The following GBE1 variants were observed in gnomAD, a reference collection of about 807,000 sequenced individuals.
The protein encoded by GBE1 is 1,4-alpha-glucan-branching enzyme.
GBE1 carries 70 observed loss-of-function variants against 88.8 expected under a neutral mutation model. That is an observed-to-expected ratio of 0.79 (90% CI 0.65 to 0.96). The LOEUF is 0.96. Among genes scored for constraint, GBE1 ranks in the 40% least tolerant of loss-of-function variants. GBE1 has a pLI of 0.00. For missense variants in GBE1, 872 were observed against 871.0 expected, an observed-to-expected ratio of 1.00 and a Z score of -0.01; for synonymous variants, 284 against 300.1, an observed-to-expected ratio of 0.95 and a Z score of 0.56.
At chr3:81,676,472 TTAAAA>T (rs1400892470) in intron 2 of GBE1, among the ~76,000 whole-genome samples, 2 of 152,082 alleles carry the variant, frequency 1.3e-5, no homozygotes, top group Admixed American at 6.6e-5. Context: ...TAATTATAAA[TTAAAA>T]TAAAATATTT....
intron 14 of GBE1, among the ~76,000 whole-genome samples, chr3:81,527,452 A>G (rs1702957576): frequency 1.3e-5 from 2 of 152,178 alleles, no homozygotes; most frequent in African/African-American, 4.8e-5. Context: ...AATGGGAGAA[A>G]ATTTTTGCAA....
intron 14 of GBE1, among the ~76,000 whole-genome samples, chr3:81,503,741 C>T (rs1244684235): frequency 6.6e-6 from 1 of 152,062 alleles, no homozygotes; most frequent in African/African-American, 2.4e-5. Context: ...TTACTTTACT[C>T]TCTATATGCG....
chr3:81,727,397 C>G lies in GBE1; in HGVS notation c.144-21784G>C, dbSNP rs150166930. Among the ~76,000 whole-genome samples, 131 of 152,218 alleles carry G rather than the reference C, an allele frequency of 8.6e-4. 2 individuals carry two copies. In the East Asian group the frequency reaches 0.024, roughly 28 times the overall value. ...TCTAATCCTACAGATGAGAATTTGA[C>G]CAAGGCATTCCTAGAACAGCTACTT... On this transcript the variant is annotated intron_variant, in intron 1 of 15. Coordinates refer to ENST00000429644, the MANE Select transcript of GBE1 (RefSeq NM_000158.4).
At chr3:81,751,560 G>A (rs3772885) in intron 1 of GBE1, among the ~76,000 whole-genome samples, 1 of 152,164 alleles carries the variant, frequency 6.6e-6, no homozygotes, top group East Asian at 1.9e-4. Flanking sequence ...ACGTGTTCCA[G>A]CTAGAAACAT....
In GBE1 at chr3:81,648,319, C is replaced by T. The variant is rs572072441; in HGVS notation, c.691+537G>A. ...ATAATTCAGCAATATATTCTTTACT[C>T]TCCTGTTTGTTATGAAGACAGGATC... On this transcript the variant is annotated intron_variant, in intron 5 of 15. Coordinates refer to ENST00000429644, the MANE Select transcript of GBE1 (RefSeq NM_000158.4). Among the ~76,000 whole-genome samples the T allele has an allele frequency of 9.2e-5, 14 of 152,206 alleles. 1 individual carries two copies. In the South Asian group the frequency reaches 2.7e-3, roughly 29 times the overall value.
chr3:81,549,372 A>G (rs1444229607), intron 12 of GBE1, among the ~76,000 whole-genome samples: 1 of 151,560 alleles, frequency 6.6e-6, no homozygotes, highest in Non-Finnish European at 1.5e-5. Flanking sequence ...CATAAGTGCA[A>G]TAAGAATCTG....
intron 11 of GBE1, among the ~76,000 whole-genome samples, chr3:81,579,384 A>G (rs1001089917): frequency 3.9e-5 from 6 of 152,156 alleles, no homozygotes; most frequent in African/African-American, 1.4e-4. Context: ...ATTCCTGAAT[A>G]TATAAGATAG....
At chr3:81,738,891 A>T (rs1212079843) in intron 1 of GBE1, among the ~76,000 whole-genome samples, 1 of 152,140 alleles carries the variant, frequency 6.6e-6, no homozygotes, top group Non-Finnish European at 1.5e-5. Context: ...AATACCTTAG[A>T]CTGGGTAGTT....
intron 1 of GBE1, among the ~76,000 whole-genome samples, chr3:81,748,181 C>T (rs1706444823): frequency 6.6e-6 from 1 of 152,112 alleles, no homozygotes; most frequent in African/African-American, 2.4e-5. Flanking sequence ...GGGCAAAAGA[C>T]ATGAATAAAC....
chr3:81,722,894 G>GTATATATATATATATATATATA (rs757742488), intron 1 of GBE1, among the ~76,000 whole-genome samples: 2 of 135,038 alleles, frequency 1.5e-5, no homozygotes, highest in Non-Finnish European at 3.1e-5. Context: ...GTGTGTGTGT[G>GTATATATATATATATATATATA]TGTATATATA....
chr3:81,649,019 T>C lies in GBE1; in HGVS notation c.556-28A>G, dbSNP rs781001034. Reference sequence around the variant, plus strand: ...ACAGAATATAAAATTATGTATAGAGTTAAGCCAGGAATTCTGGTATGACAC... The same window carrying C: ...ACAGAATATAAAATTATGTATAGAGCTAAGCCAGGAATTCTGGTATGACAC... On this transcript the variant is annotated intron_variant, in intron 4 of 15. Coordinates refer to ENST00000429644, the MANE Select transcript of GBE1 (RefSeq NM_000158.4). 2.7e-6 allele frequency: 4 copies of C among 1,489,294 alleles called. No homozygotes were observed. The African/African-American group carries it at 5.7e-5, about 21-fold the overall frequency. The allele number at this position is 1,489,294 out of a possible 1,614,324, so 92.3% of individuals were successfully genotyped here. A position where few individuals can be genotyped will look rare whatever the true frequency, so the allele number is the denominator to read the frequency against.
chr3:81,581,633 T>C (rs1703732911), intron 10 of GBE1, among the ~76,000 whole-genome samples: 1 of 152,092 alleles, frequency 6.6e-6, no homozygotes, highest in Non-Finnish European at 1.5e-5. Context: ...CTATAACTTG[T>C]ACATGGTAGA....
chr3:81,693,425 A>G (rs1225230792), intron 2 of GBE1, among the ~76,000 whole-genome samples: 2 of 152,120 alleles, frequency 1.3e-5, no homozygotes, highest in African/African-American at 2.4e-5. Context: ...AAATCACATA[A>G]TGGCCACAAC....
intron 1 of GBE1, among the ~76,000 whole-genome samples, chr3:81,757,593 C>T (rs891678076): frequency 6.6e-6 from 1 of 152,148 alleles, no homozygotes; most frequent in African/African-American, 2.4e-5. Flanking sequence ...ATTGACTAGA[C>T]TCAAAGGTCT....
rs1256452118 is a variant in GBE1 at position 81,608,058 on chromosome 3, CCAAA to C, written c.993-14039_993-14036del. Among the ~76,000 whole-genome samples the C allele has an allele frequency of 3.9e-5, 6 of 152,264 alleles. No homozygotes were observed. The East Asian group carries it at 9.6e-4, about 24-fold the overall frequency. On this transcript the variant is annotated intron_variant, in intron 7 of 15. Coordinates refer to ENST00000429644, the MANE Select transcript of GBE1 (RefSeq NM_000158.4). ...GTCCTTAGGACTAAATCCACTTTTA[CCAAA>C]ATTCATGTTGTTGAAAGTCACTAAA...
chr3:81,737,367 T>A (rs3930767), intron 1 of GBE1, among the ~76,000 whole-genome samples: 40 of 30,176 alleles, frequency 1.3e-3, no homozygotes, highest in Non-Finnish European at 2.0e-3. Flanking sequence ...ATTTATATAT[T>A]TATATATATT....
At chr3:81,630,197 A>G (rs1209595530) in intron 7 of GBE1, among the ~76,000 whole-genome samples, 1 of 152,174 alleles carries the variant, frequency 6.6e-6, no homozygotes, top group African/African-American at 2.4e-5. Context: ...ATACCTAGGA[A>G]TCCAACTTAC....
intron 1 of GBE1, among the ~76,000 whole-genome samples, chr3:81,721,975 T>C (rs1706041624): frequency 6.6e-6 from 1 of 152,196 alleles, no homozygotes; most frequent in Admixed American, 6.5e-5. Context: ...CTAAGGGCAC[T>C]CAGCAAGTTA....
At position 81,690,573 on chromosome 3, in the gene GBE1, T is replaced by G. The variant is rs115481470; in HGVS notation, c.313+14871A>C. Among the ~76,000 whole-genome samples the G allele has an allele frequency of 9.3e-3, 1,414 of 152,330 alleles. 11 individuals carry two copies. Among genetic ancestry groups the G allele is most frequent in the Non-Finnish European group, 0.015 (992 of 68,026 alleles). On this transcript the variant is annotated intron_variant, in intron 2 of 15. Coordinates refer to ENST00000429644, the MANE Select transcript of GBE1 (RefSeq NM_000158.4). The stretch of plus-strand genomic sequence containing the variant: ...ATAGTAAATTTTTCCAATATATTTA[T>G]GAAACATTTGCTAATCAATTAATTG...
Sources: allele counts gnomAD v4.1 joint callset (sites outside exome capture counted in the v4.1 genomes callset), GRCh38; gene constraint gnomAD v4.1.1; transcripts MANE v1.5; gene names NCBI Gene and HGNC (gene_info 2026-07-23, HGNC 2026-07-21).